Variants in NEDD9 observed in about 807,000 individuals in gnomAD.
NEDD9 encodes the protein enhancer of filamentation 1.
Under a neutral mutation model 76.6 loss-of-function variants are expected in NEDD9, and 26 were observed. That is an observed-to-expected ratio of 0.34 (90% confidence interval 0.25 to 0.47). The LOEUF (loss-of-function observed/expected upper bound fraction) is 0.47, where lower values mean the gene tolerates loss of function less well. Among genes scored for constraint, NEDD9 ranks in the 20% least tolerant of loss-of-function variants. NEDD9 has a pLI of 1.00. For missense variants in NEDD9, 937 were observed against 1,058.5 expected (o/e 0.89, Z 1.59); for synonymous variants, 392 against 414.2 (o/e 0.95, Z 0.65).
chr6:11,328,554 T>C (rs1441993626), intron 2 of NEDD9: 2 of 152,208 alleles, frequency 1.3e-5, no homozygotes, highest in African/African-American at 4.8e-5. Context: ...TAGGGATGGC[T>C]TCTCTTTTCT....
chr6:11,290,627 G>A (rs1760743109), intron 3 of NEDD9, among the ~76,000 whole-genome samples: 1 of 152,100 alleles, frequency 6.6e-6, no homozygotes, highest in African/African-American at 2.4e-5. Context: ...TAGAAGAGCA[G>A]GAAACAAAGC....
intron 1 of NEDD9, among the ~76,000 whole-genome samples, chr6:11,337,869 T>A (rs1457374613): frequency 6.6e-6 from 1 of 152,198 alleles, no homozygotes. Context: ...AGGATGGTAG[T>A]GCGTTAAAAA....
Position 11,213,454 on chromosome 6 carries a change from T to C in NEDD9, c.286A>G (p.Asn96Asp). The change falls in exon 2 of 7, where the codon AAC (asparagine) becomes GAC (aspartate). Residue 96 changes from asparagine (N) to aspartate (D), a missense_variant. Physicochemically the swap from Asn to Asp is conservative, Grantham distance 23. Transcript: ENST00000379446. The surrounding 1 kb of genome is among the most constrained non-coding windows in gnomAD (Gnocchi z 5.4). Reference sequence around the variant, plus strand: ...GTGTCTCGGGGAGCAGCCTGTGGGTTTGGCACTTGATAGAGCTTCTGTTGG... The same window carrying C: ...GTGTCTCGGGGAGCAGCCTGTGGGTCTGGCACTTGATAGAGCTTCTGTTGG... ...FGQQKLYQVP[N>D]PQAAPRDTIY... 6.2e-7 allele frequency: 1 copy of C among 1,614,084 alleles called. No individual in the cohort carries two copies. The highest frequency in any genetic ancestry group is 8.5e-7 in the Non-Finnish European group (1 of 1,180,020).
chr6:11,326,938 G>T (rs1582031531), intron 2 of NEDD9, among the ~76,000 whole-genome samples: 1 of 152,366 alleles, frequency 6.6e-6, no homozygotes, highest in East Asian at 1.9e-4. Context: ...CCAGGAAAAA[G>T]AGAGAAAGAG....
intron 1 of NEDD9, among the ~76,000 whole-genome samples, chr6:11,366,555 T>C (rs917298475): frequency 2.0e-5 from 3 of 152,172 alleles, no homozygotes; most frequent in South Asian, 4.1e-4. Context: ...TCTCATGGGA[T>C]AGCCATTAGA....
At chr6:11,222,931 G>A (rs1367308972) in intron 1 of NEDD9, among the ~76,000 whole-genome samples, 1 of 152,238 alleles carries the variant, frequency 6.6e-6, no homozygotes, top group African/African-American at 2.4e-5. Flanking sequence ...GAAGAGATTA[G>A]ACCACTGCTT....
intron 2 of NEDD9, among the ~76,000 whole-genome samples, chr6:11,307,127 G>T (rs1198066979): frequency 1.3e-5 from 2 of 152,130 alleles, no homozygotes; most frequent in African/African-American, 4.8e-5. Context: ...AGGGGAAGCA[G>T]AAAAATAAGA....
chr6:11,246,392 G>C (rs554578423), intron 3 of NEDD9, among the ~76,000 whole-genome samples: 67 of 152,228 alleles, frequency 4.4e-4, no homozygotes, highest in Middle Eastern at 3.4e-3. Flanking sequence ...GGCAAAGGCA[G>C]ATGGATCCCA....
rs751553478 is a variant in NEDD9 at position 11,306,026 on chromosome 6, C to T, written c.-23G>A. On this transcript the variant is annotated 5_prime_UTR_variant, in exon 3 of 4. Coordinates refer to the NEDD9 transcript ENST00000397378. ...CATTTTGCCCCAAGGAATGATGCAG[C>T]TCTGGATGTTGGAAAGGACAATTCC... The T allele has an allele frequency of 3.1e-6, 5 of 1,613,796 alleles. No homozygotes were observed. In the Admixed American group the frequency reaches 5.0e-5, roughly 16 times the overall value.
At chr6:11,318,277 A>G (rs1315661931) in intron 2 of NEDD9, among the ~76,000 whole-genome samples, 1 of 152,276 alleles carries the variant, frequency 6.6e-6, no homozygotes, top group Non-Finnish European at 1.5e-5. Context: ...TTCTAAATAT[A>G]TATGTGTATC....
chr6:11,207,870 G>C (rs758171250), intron 2 of NEDD9, among the ~76,000 whole-genome samples: 1 of 152,164 alleles, frequency 6.6e-6, no homozygotes, highest in Non-Finnish European at 1.5e-5. Flanking sequence ...TGCAAAGGAA[G>C]TTCTGCCCCT....
intron 1 of NEDD9, among the ~76,000 whole-genome samples, chr6:11,347,287 C>T (rs1762380595): frequency 6.6e-6 from 1 of 152,120 alleles, no homozygotes; most frequent in South Asian, 2.1e-4. Flanking sequence ...TAAAAATCCC[C>T]AGCCTCCTAC....
At position 11,268,091 on chromosome 6, in the gene NEDD9, G is replaced by A. The variant is rs142284876; in HGVS notation, c.12+37901C>T. Among the ~76,000 whole-genome samples, 1,333 of 151,910 alleles carry A rather than the reference G, an allele frequency of 8.8e-3. 17 individuals are homozygous for A. Among genetic ancestry groups the A allele is most frequent in the African/African-American group, 0.031 (1,282 of 41,422 alleles). ...GTCGCCCAGGCTGGAGTGCAGTGGC[G>A]CGATCTCGGCTTGCTGCAGCCTCAA... On this transcript the variant is annotated intron_variant, in intron 3 of 3. Transcript: ENST00000397378.
chr6:11,259,464 T>C (rs1025637046), intron 3 of NEDD9, among the ~76,000 whole-genome samples: 3 of 152,258 alleles, frequency 2.0e-5, no homozygotes, highest in Non-Finnish European at 4.4e-5. Context: ...GGTTCTATCC[T>C]GTTCCCTAAT....
At chr6:11,320,471 A>G (rs1761770338) in intron 2 of NEDD9, among the ~76,000 whole-genome samples, 2 of 152,162 alleles carry the variant, frequency 1.3e-5, no homozygotes, top group Non-Finnish European at 2.9e-5. Flanking sequence ...TGCCTACGAT[A>G]AGCGATTTGT....
rs1381836583 is a variant in NEDD9 at position 11,366,419 on chromosome 6, G to A, written c.-214+15720C>T. 1.2e-4 allele frequency among the ~76,000 whole-genome samples: 18 copies of A among 146,620 alleles called. 1 individual carries two copies. In the South Asian group the frequency reaches 3.9e-3, roughly 32 times the overall value. ...GAGAAATAAAAGAAGAAAGAAAAAAGAAAAAGAAAGGAAGAAAGAAAGAAA... is the reference window on the plus strand; with the variant it reads ...GAGAAATAAAAGAAGAAAGAAAAAAAAAAAAGAAAGGAAGAAAGAAAGAAA... On this transcript the variant is annotated intron_variant, in intron 1 of 3. Coordinates refer to the NEDD9 transcript ENST00000397378.
At chr6:11,318,204 T>C (rs975880060) in intron 2 of NEDD9, among the ~76,000 whole-genome samples, 1 of 152,234 alleles carries the variant, frequency 6.6e-6, no homozygotes, top group Non-Finnish European at 1.5e-5. Flanking sequence ...CAACTCATTC[T>C]GCAGATCTTG....
rs534221676 is a variant in NEDD9, at chr6:11,212,265, C to T, written c.459+1016G>A. On this transcript the variant is annotated intron_variant, in intron 2 of 6. Coordinates refer to ENST00000379446, the MANE Select transcript of NEDD9 (RefSeq NM_006403.4). ...ATTCCTAATACCAAACCTTGTAGGA[C>T]CCATTGGAATTTGCCAGCAAATGAA... 9.8e-5 allele frequency among the ~76,000 whole-genome samples: 15 copies of T among 152,292 alleles called. No individual in the cohort carries two copies. In the South Asian group the frequency reaches 2.1e-3, roughly 21 times the overall value.
intron 3 of NEDD9, among the ~76,000 whole-genome samples, chr6:11,287,383 G>A (rs1221674656): frequency 6.6e-6 from 1 of 152,144 alleles, no homozygotes; most frequent in African/African-American, 2.4e-5. Context: ...AGCTGAAATG[G>A]TGTCACTGTA....
Sources: allele counts gnomAD v4.1 joint callset (sites outside exome capture counted in the v4.1 genomes callset), GRCh38; gene constraint gnomAD v4.1.1; non-coding constraint Gnocchi (gnomAD v3.1); transcripts MANE v1.5; gene names NCBI Gene and HGNC (gene_info 2026-07-23, HGNC 2026-07-21).